FGD4: variants seen among roughly 807,000 people sequenced by gnomAD.
FGD4 encodes the protein FYVE, RhoGEF and PH domain-containing protein 4.
A neutral mutation model predicts 102.0 loss-of-function variants in FGD4; 42 were observed. That is an observed-to-expected ratio of 0.41 (90% confidence interval 0.32 to 0.53). The LOEUF (loss-of-function observed/expected upper bound fraction) is 0.53, where lower values mean the gene tolerates loss of function less well. Ranked by LOEUF, FGD4 falls within the 20% of genes least tolerant of loss-of-function variation. FGD4 has a pLI of 0.21. For synonymous variants in FGD4, 380 were observed against 375.7 expected (o/e 1.01, Z -0.13); for missense variants, 902 against 1,078.2 (o/e 0.84, Z 2.29).
chr12:32,420,693 C>A (rs1941595137), intron 1 of FGD4, among the ~76,000 whole-genome samples: 1 of 152,100 alleles, frequency 6.6e-6, no homozygotes, highest in Non-Finnish European at 1.5e-5. Flanking sequence ...CTCCTGCTTT[C>A]ACTGTTGTCA....
intron 1 of FGD4, among the ~76,000 whole-genome samples, chr12:32,471,160 G>A (rs1451056323): frequency 6.6e-6 from 1 of 152,130 alleles, no homozygotes; most frequent in African/African-American, 2.4e-5. Flanking sequence ...CAAGCTCTCA[G>A]GTCTTTGGCC....
intron 1 of FGD4, among the ~76,000 whole-genome samples, chr12:32,539,556 C>G (rs373748616): frequency 6.9e-6 from 1 of 144,280 alleles, no homozygotes; most frequent in Non-Finnish European, 1.5e-5. Flanking sequence ...GCAACAAGAG[C>G]GAAACTCTGT....
intron 2 of FGD4, among the ~76,000 whole-genome samples, chr12:32,574,011 C>T (rs140602666): frequency 6.6e-6 from 1 of 152,120 alleles, no homozygotes; most frequent in East Asian, 1.9e-4. Flanking sequence ...ATTATTTAAT[C>T]GTACTCATTA....
At chr12:32,470,736 G>C (rs1476910708) in intron 1 of FGD4, among the ~76,000 whole-genome samples, 1 of 152,174 alleles carries the variant, frequency 6.6e-6, no homozygotes, top group Non-Finnish European at 1.5e-5. Flanking sequence ...TTACAGGCGT[G>C]AGCCGCTGCG....
Position 32,467,861 on chromosome 12 carries a change from C to T in FGD4, c.166+67902C>T, listed in dbSNP as rs531757785. Among the ~76,000 whole-genome samples the T allele has an allele frequency of 1.8e-3, 274 of 152,018 alleles. 3 individuals are homozygous for T. Among genetic ancestry groups the T allele is most frequent in the African/African-American group, 6.3e-3 (263 of 41,472 alleles). ...TGAAACCCTGTCTCTACTAAAAATA[C>T]AAAAATAAGCCGAGAGTTGTGGTGG... On this transcript the variant is annotated intron_variant, in intron 1 of 16. Transcript: ENST00000534526.
intron 1 of FGD4, among the ~76,000 whole-genome samples, chr12:32,465,301 T>C (rs1398660777): frequency 6.6e-6 from 1 of 152,042 alleles, no homozygotes; most frequent in Non-Finnish European, 1.5e-5. Flanking sequence ...TTCTTCCTTG[T>C]CTTAAGAAAT....
intron 1 of FGD4, among the ~76,000 whole-genome samples, chr12:32,475,630 T>A (rs1166735718): frequency 6.6e-6 from 1 of 152,212 alleles, no homozygotes; most frequent in African/African-American, 2.4e-5. Context: ...ACTGTGATGA[T>A]CCAGCCCAGA....
At chr12:32,567,408 C>CATAG in intron 2 of FGD4, among the ~76,000 whole-genome samples, 1 of 152,072 alleles carries the variant, frequency 6.6e-6, no homozygotes, top group African/African-American at 2.4e-5. Context: ...CCCACACTTG[C>CATAG]ATATCCTCCC....
At chr12:32,630,060 C>G (rs1387555004) in intron 14 of FGD4, among the ~76,000 whole-genome samples, 1 of 152,184 alleles carries the variant, frequency 6.6e-6, no homozygotes, top group Non-Finnish European at 1.5e-5. Context: ...CATGGGCTGT[C>G]TCCTAATCCC....
Position 32,590,770 on chromosome 12 carries a change from G to A in FGD4, c.1012-7727G>A, listed in dbSNP as rs192674301. Among the ~76,000 whole-genome samples the A allele has an allele frequency of 5.3e-5, 8 of 152,356 alleles. No individual in the cohort carries two copies. The East Asian group carries it at 9.6e-4, about 18-fold the overall frequency. The stretch of plus-strand genomic sequence containing the variant: ...ATGTGCAGTACATAGAATAGTGCAC[G>A]TAGTAAGTATTCATTAAATAGTGGT... On this transcript the variant is annotated intron_variant, in intron 4 of 16. Coordinates refer to ENST00000534526, the MANE Select transcript of FGD4 (RefSeq NM_001370298.3).
chr12:32,563,062 C>A (rs1944778204), intron 1 of FGD4, among the ~76,000 whole-genome samples: 1 of 147,250 alleles, frequency 6.8e-6, no homozygotes, highest in Admixed American at 6.7e-5. Flanking sequence ...CCACCTCCCT[C>A]CCGGACGGGG....
rs904881524 is a variant in FGD4 at position 32,596,799 on chromosome 12, G to A, written c.1012-1698G>A. Among the ~76,000 whole-genome samples, 16 of 151,942 alleles carry A rather than the reference G, an allele frequency of 1.1e-4. No homozygotes were observed. The East Asian group carries it at 1.6e-3, about 15-fold the overall frequency. On this transcript the variant is annotated intron_variant, in intron 4 of 16. Coordinates refer to ENST00000534526, the MANE Select transcript of FGD4 (RefSeq NM_001370298.3). ...AAAAATACAAAATTAGCCGGCCGTC[G>A]TGGTGCATGCCTGTAATCTCAGCTA...
Position 32,582,446 on chromosome 12 carries a change from G to C in FGD4, c.990G>C (p.Leu330=). The C allele has an allele frequency of 6.2e-7, 1 of 1,611,558 alleles. No individual in the cohort carries two copies. The highest frequency in any genetic ancestry group is 8.5e-7 in the Non-Finnish European group (1 of 1,180,014). The change falls in exon 4 of 17, where the codon CTG becomes CTC. Residue 330 remains leucine, a synonymous_variant. Coordinates refer to ENST00000534526, the MANE Select transcript of FGD4 (RefSeq NM_001370298.3). ...AAAGCCCTCTGGAACTGGAGCAGCT[G>C]GACCAGCACCATGAGATGAAGGTAG... The part of the protein sequence containing the change: ...NGESPLELEQ[L]DQHHEMKETN...
chr12:32,580,731 C>G (rs1002076623), intron 3 of FGD4, among the ~76,000 whole-genome samples: 26 of 151,734 alleles, frequency 1.7e-4, no homozygotes, highest in African/African-American at 6.3e-4. Flanking sequence ...ACTAAAAATA[C>G]AAAAAATTAG....
rs1012462475 is a variant in FGD4, at chr12:32,506,870, T to C, written c.167-57267T>C. 6.6e-5 allele frequency among the ~76,000 whole-genome samples: 10 copies of C among 152,260 alleles called. No individual in the cohort carries two copies. The highest frequency in any genetic ancestry group is 2.4e-4 in the African/African-American group (10 of 41,530). On this transcript the variant is annotated intron_variant, in intron 1 of 16. Coordinates refer to ENST00000534526, the MANE Select transcript of FGD4 (RefSeq NM_001370298.3). The surrounding 1 kb of genome is among the most constrained non-coding windows in gnomAD (Gnocchi z 4.5). ...ACATAATTTCAAATAGTGGCAGGTATGTGATGACAAAATGGGCTATGTTAA... is the reference window on the plus strand; with the variant it reads ...ACATAATTTCAAATAGTGGCAGGTACGTGATGACAAAATGGGCTATGTTAA...
At chr12:32,529,411 C>T (rs1452189677) in intron 1 of FGD4, among the ~76,000 whole-genome samples, 1 of 152,104 alleles carries the variant, frequency 6.6e-6, no homozygotes, top group Non-Finnish European at 1.5e-5. Context: ...AGGTGTGAGC[C>T]ACCGCGCCTG....
At chr12:32,453,225 AGATATATATATATTTTT>A (rs1942852698) in intron 1 of FGD4, among the ~76,000 whole-genome samples, 1 of 74,884 alleles carries the variant, frequency 1.3e-5, no homozygotes, top group Non-Finnish European at 2.4e-5. Context: ...TATATAATAT[AGATATATATATATTTTT>A]TTTTTTTTAA....
At chr12:32,467,312 T>G (rs1943284302) in intron 1 of FGD4, among the ~76,000 whole-genome samples, 1 of 152,162 alleles carries the variant, frequency 6.6e-6, no homozygotes, top group South Asian at 2.1e-4. Flanking sequence ...TACAGGAAAA[T>G]TCTGTCTCCA....
At chr12:32,451,478 T>G (rs1942773041) in intron 1 of FGD4, among the ~76,000 whole-genome samples, 1 of 152,222 alleles carries the variant, frequency 6.6e-6, no homozygotes, top group Non-Finnish European at 1.5e-5. Flanking sequence ...AGAACTAGAC[T>G]ATCACAAAAT....
Sources: allele counts gnomAD v4.1 joint callset (sites outside exome capture counted in the v4.1 genomes callset), GRCh38; gene constraint gnomAD v4.1.1; non-coding constraint Gnocchi (gnomAD v3.1); transcripts MANE v1.5; gene names NCBI Gene and HGNC (gene_info 2026-07-23, HGNC 2026-07-21).